EPHA6: variants seen among roughly 807,000 people sequenced by gnomAD.
EPHA6 encodes the protein ephrin type-A receptor 6.
A neutral mutation model predicts 112.0 loss-of-function variants in EPHA6; 50 were observed. The ratio of observed to expected loss-of-function variants is 0.45; its 90% CI spans 0.36 to 0.56. The LOEUF is 0.56. Ranked by LOEUF, EPHA6 falls within the 20% of genes least tolerant of loss-of-function variation. The probability of loss-of-function intolerance (pLI) is 0.00; values close to 1 mark genes in which losing one functional copy is unlikely to be tolerated. For missense variants in EPHA6, 1,280 were observed against 1,417.4 expected, an observed-to-expected ratio of 0.90 and a Z score of 1.56; for synonymous variants, 529 against 490.7, an observed-to-expected ratio of 1.08 and a Z score of -1.03.
chr3:97,588,867 T>C (rs1047110457), intron 11 of EPHA6, among the ~76,000 whole-genome samples: 5 of 152,196 alleles, frequency 3.3e-5, no homozygotes, highest in Non-Finnish European at 7.3e-5. Context: ...ATGTGAAAAT[T>C]TCTTTCCTTT....
chr3:97,089,685 A>G (rs1240601802), intron 3 of EPHA6, among the ~76,000 whole-genome samples: 2 of 152,112 alleles, frequency 1.3e-5, no homozygotes, highest in South Asian at 2.1e-4. Context: ...ATTATATGTA[A>G]ATGATAATAA....
intron 3 of EPHA6, among the ~76,000 whole-genome samples, chr3:97,045,958 T>TA (rs2045490541): frequency 1.3e-5 from 2 of 152,064 alleles, no homozygotes; most frequent in African/African-American, 4.8e-5. Context: ...AATCATAGTG[T>TA]AAAACAGATA....
At chr3:97,234,876 G>A (rs2108562902) in intron 4 of EPHA6, among the ~76,000 whole-genome samples, 1 of 152,090 alleles carries the variant, frequency 6.6e-6, no homozygotes, top group Non-Finnish European at 1.5e-5. Flanking sequence ...AACTGATTGT[G>A]GGATCTGACA....
chr3:96,986,189 T>C (rs990279320), intron 2 of EPHA6, among the ~76,000 whole-genome samples: 1 of 152,172 alleles, frequency 6.6e-6, no homozygotes, highest in Non-Finnish European at 1.5e-5. Flanking sequence ...TGAATAAATA[T>C]TGATAATATA....
chr3:97,430,685 A>G (rs1001314016), intron 6 of EPHA6, among the ~76,000 whole-genome samples: 2 of 152,192 alleles, frequency 1.3e-5, no homozygotes, highest in Non-Finnish European at 2.9e-5. Context: ...GACTAAATTC[A>G]TTACTTTAAT....
In EPHA6 at chr3:96,814,849, TG is replaced by T; in HGVS notation, c.227del (p.Cys76SerfsTer9). ...GGACCCCCATCCTACCCAGAACACC[TG>T]CCTGCGCTGCCGCCACTTCTCTTTA... is the stretch of plus-strand genomic sequence containing the variant. ...DKDPHPTQNT[C>X]LRCRHFSLRE... On this transcript the variant is annotated frameshift_variant, in exon 1 of 18. Transcript: ENST00000389672. LOFTEE classifies it high-confidence loss of function. 6.4e-7 allele frequency: 1 copy of T among 1,563,798 alleles called. No individual in the cohort carries two copies. The highest frequency in any genetic ancestry group is 8.7e-7 in the Non-Finnish European group (1 of 1,154,004).
At position 97,749,097 on chromosome 3, in the gene EPHA6, A is replaced by G. The variant is rs963629726; in HGVS notation, c.*396A>G. The G allele has an allele frequency of 4.2e-6, 1 of 239,270 alleles. No homozygotes were observed. The highest frequency in any genetic ancestry group is 2.2e-5 in the African/African-American group (1 of 45,516). The allele number at this position is 239,270 out of a possible 1,614,324, so 14.8% of individuals were successfully genotyped here. A position where few individuals can be genotyped will look rare whatever the true frequency, so the allele number is the denominator to read the frequency against. Reference sequence around the variant, plus strand: ...GAAAGAACTAGTTGACCTTTCTTTCATGTTTTGTGATCAAGTAGCTTCCAA... The same window carrying G: ...GAAAGAACTAGTTGACCTTTCTTTCGTGTTTTGTGATCAAGTAGCTTCCAA... On this transcript the variant is annotated 3_prime_UTR_variant, in exon 18 of 18. Transcript: ENST00000389672.
At chr3:97,618,124 C>T (rs1358943854) in intron 13 of EPHA6, among the ~76,000 whole-genome samples, 2 of 152,122 alleles carry the variant, frequency 1.3e-5, no homozygotes, top group Non-Finnish European at 2.9e-5. Flanking sequence ...CTAAGAAATA[C>T]ACTCAAAACC....
intron 7 of EPHA6, among the ~76,000 whole-genome samples, chr3:97,462,652 A>G (rs949071522): frequency 2.4e-4 from 37 of 152,330 alleles, no homozygotes; most frequent in South Asian, 6.2e-4. Flanking sequence ...TAGGTATGTT[A>G]TCACTTCTTG....
At chr3:97,477,118 T>G (rs1451857933) in intron 8 of EPHA6, among the ~76,000 whole-genome samples, 1 of 152,124 alleles carries the variant, frequency 6.6e-6, no homozygotes, top group Non-Finnish European at 1.5e-5. Flanking sequence ...CTCTGACAGC[T>G]AACTGCCATC....
intron 3 of EPHA6, among the ~76,000 whole-genome samples, chr3:97,221,203 G>A (rs2078184768): frequency 6.6e-6 from 1 of 150,512 alleles, no homozygotes; most frequent in Non-Finnish European, 1.5e-5. Context: ...AACCCAACTC[G>A]GGAGGCTGAG....
At chr3:97,178,712 C>G (rs1412898603) in intron 3 of EPHA6, among the ~76,000 whole-genome samples, 1 of 152,112 alleles carries the variant, frequency 6.6e-6, no homozygotes, top group Non-Finnish European at 1.5e-5. Flanking sequence ...AGTCTGCTGC[C>G]AGACATATTG....
intron 7 of EPHA6, among the ~76,000 whole-genome samples, chr3:97,463,434 A>G (rs944302957): frequency 6.6e-6 from 1 of 152,148 alleles, no homozygotes; most frequent in Admixed American, 6.5e-5. Context: ...TTAGAACTAA[A>G]ATAGAAAATT....
chr3:97,401,802 T>C (rs2087008751), intron 5 of EPHA6, among the ~76,000 whole-genome samples: 1 of 151,902 alleles, frequency 6.6e-6, no homozygotes, highest in Non-Finnish European at 1.5e-5. Flanking sequence ...TAGGAACTTA[T>C]TGCTATAAAC....
At chr3:97,586,819 T>C (rs906842317) in intron 11 of EPHA6, among the ~76,000 whole-genome samples, 1 of 152,198 alleles carries the variant, frequency 6.6e-6, no homozygotes, top group African/African-American at 2.4e-5. Context: ...TGCATTAGGT[T>C]CAATAGACTA....
chr3:97,583,187 T>A (rs1046242945), intron 11 of EPHA6, among the ~76,000 whole-genome samples: 1 of 151,930 alleles, frequency 6.6e-6, no homozygotes, highest in African/African-American at 2.4e-5. Context: ...TGATAAATGC[T>A]GCTTAACAAC....
chr3:97,302,042 A>G (rs1004052592), intron 5 of EPHA6, among the ~76,000 whole-genome samples: 2 of 151,940 alleles, frequency 1.3e-5, no homozygotes, highest in Non-Finnish European at 2.9e-5. Flanking sequence ...TTGCCAGTTA[A>G]TGTACTTTAA....
intron 13 of EPHA6, 92 bp from the exon 14 acceptor site, chr3:97,637,781 C>T: frequency 1.1e-6 from 1 of 892,476 alleles, no homozygotes; most frequent in South Asian, 1.6e-5. Context: ...TTCATTTGAT[C>T]CAATAAAATA....
intron 16 of EPHA6, among the ~76,000 whole-genome samples, chr3:97,740,113 G>A (rs774604863): frequency 1.7e-4 from 26 of 151,914 alleles, no homozygotes; most frequent in Admixed American, 7.9e-4. Context: ...TTTGTAGCTT[G>A]ATAGCTACAT....
Sources: allele counts gnomAD v4.1 joint callset (sites outside exome capture counted in the v4.1 genomes callset), GRCh38; gene constraint gnomAD v4.1.1; transcripts MANE v1.5; gene names NCBI Gene and HGNC (gene_info 2026-07-23, HGNC 2026-07-21).